The following MACROD2 variants were observed in gnomAD, a reference collection of about 807,000 sequenced individuals.
The protein encoded by MACROD2 is ADP-ribose glycohydrolase MACROD2.
In MACROD2, 36 loss-of-function variants were observed where a neutral mutation model predicts 70.4. The ratio of observed to expected loss-of-function variants is 0.51; its 90% CI spans 0.39 to 0.68. The LOEUF is 0.68. Ranked by LOEUF, MACROD2 falls within the 30% of genes least tolerant of loss-of-function variation. The pLI is 0.00. For synonymous variants in MACROD2, 172 were observed against 178.8 expected, an observed-to-expected ratio of 0.96 and a Z score of 0.30; for missense variants, 496 against 538.4, an observed-to-expected ratio of 0.92 and a Z score of 0.78.
intron 5 of MACROD2, among the ~76,000 whole-genome samples, chr20:14,726,799 C>G (rs2123695091): frequency 6.6e-6 from 1 of 152,290 alleles, no homozygotes; most frequent in African/African-American, 2.4e-5. Flanking sequence ...TCTTACACAG[C>G]TGTTACACAG....
intron 5 of MACROD2, among the ~76,000 whole-genome samples, chr20:14,742,068 G>A (rs1420685271): frequency 6.6e-6 from 1 of 152,096 alleles, no homozygotes; most frequent in Admixed American, 6.6e-5. Flanking sequence ...TATTAAGTCT[G>A]TACTGAAAAA....
chr20:14,722,339 G>A (rs965889634), intron 5 of MACROD2, among the ~76,000 whole-genome samples: 6 of 152,132 alleles, frequency 3.9e-5, no homozygotes, highest in Non-Finnish European at 8.8e-5. Flanking sequence ...ATAGATATGG[G>A]GATGAGGTAA....
chr20:15,978,542 G>A (rs987805628), intron 13 of MACROD2, among the ~76,000 whole-genome samples: 2 of 151,906 alleles, frequency 1.3e-5, no homozygotes, highest in African/African-American at 4.8e-5. Flanking sequence ...CTGTGGTGGA[G>A]CAGCCCAGCA....
intron 5 of MACROD2, among the ~76,000 whole-genome samples, chr20:15,030,080 C>CAAA (rs75395660): frequency 1.0e-4 from 8 of 77,036 alleles, no homozygotes; most frequent in African/African-American, 2.7e-4. Context: ...ACTCCGTCTC[C>CAAA]AAAAAAAAAA....
intron 8 of MACROD2, among the ~76,000 whole-genome samples, chr20:15,537,544 G>A (rs980415592): frequency 7.1e-6 from 1 of 141,754 alleles, no homozygotes; most frequent in Non-Finnish European, 1.5e-5. Flanking sequence ...CACCATCTCA[G>A]CTCACTGCAA....
At chr20:14,516,803 G>A (rs903528214) in intron 4 of MACROD2, among the ~76,000 whole-genome samples, 2 of 151,938 alleles carry the variant, frequency 1.3e-5, no homozygotes, top group African/African-American at 4.8e-5. Flanking sequence ...CTGACAAAGG[G>A]CTAATATCCA....
intron 3 of MACROD2, among the ~76,000 whole-genome samples, chr20:14,330,775 G>A (rs1174042900): frequency 1.3e-5 from 2 of 152,022 alleles, no homozygotes; most frequent in Admixed American, 1.3e-4. Flanking sequence ...TGCCTTTAGG[G>A]CTTTGCTCAT....
At chr20:15,301,028 A>G in intron 6 of MACROD2, among the ~76,000 whole-genome samples, 1 of 152,114 alleles carries the variant, frequency 6.6e-6, no homozygotes, top group East Asian at 1.9e-4. Context: ...CCCACATGGC[A>G]CCACTGGCAG....
intron 8 of MACROD2, among the ~76,000 whole-genome samples, chr20:15,681,015 C>T (rs75783992): frequency 0.01 from 1,548 of 152,282 alleles, 23 homozygotes; most frequent in African/African-American, 0.034. Context: ...AAGTCATAAA[C>T]TCAGGCTGCC....
chr20:15,189,170 A>G (rs914097895), intron 5 of MACROD2, among the ~76,000 whole-genome samples: 2 of 151,880 alleles, frequency 1.3e-5, no homozygotes, highest in Non-Finnish European at 2.9e-5. Flanking sequence ...TAATGAAAGC[A>G]CCTAGCCAAC....
intron 3 of MACROD2, among the ~76,000 whole-genome samples, chr20:14,441,952 A>T (rs2084128594): frequency 6.6e-6 from 1 of 152,084 alleles, no homozygotes; most frequent in South Asian, 2.1e-4. Context: ...TGTAGCAGGA[A>T]TCTGAAGAAT....
At chr20:15,726,377 A>G (rs1303749029) in intron 8 of MACROD2, among the ~76,000 whole-genome samples, 1 of 152,188 alleles carries the variant, frequency 6.6e-6, no homozygotes, top group African/African-American at 2.4e-5. Flanking sequence ...TATTGTGAAT[A>G]GTGCTGCAAT....
At chr20:14,938,261 A>G (rs2074358743) in intron 5 of MACROD2, among the ~76,000 whole-genome samples, 1 of 151,216 alleles carries the variant, frequency 6.6e-6, no homozygotes, top group African/African-American at 2.4e-5. Flanking sequence ...TTTTTCAGGA[A>G]CCTCCATATT....
intron 4 of MACROD2, among the ~76,000 whole-genome samples, chr20:14,681,375 T>C (rs973193683): frequency 6.6e-6 from 1 of 152,106 alleles, no homozygotes; most frequent in Non-Finnish European, 1.5e-5. Flanking sequence ...CACAGATGAA[T>C]GGATAAAGAA....
chr20:14,626,170 T>C (rs920973227), intron 4 of MACROD2, among the ~76,000 whole-genome samples: 4 of 152,120 alleles, frequency 2.6e-5, no homozygotes, highest in African/African-American at 9.7e-5. Flanking sequence ...TTGCTTTAGA[T>C]CAAGGGGCAC....
At chr20:14,475,478 A>G (rs905349107) in intron 3 of MACROD2, among the ~76,000 whole-genome samples, 1 of 152,154 alleles carries the variant, frequency 6.6e-6, no homozygotes, top group African/African-American at 2.4e-5. Context: ...TTATACCTTC[A>G]GATAGTTTCA....
chr20:14,045,612 C>A (rs1383869319), intron 2 of MACROD2, among the ~76,000 whole-genome samples: 1 of 152,140 alleles, frequency 6.6e-6, no homozygotes, highest in African/African-American at 2.4e-5. Flanking sequence ...AAATGAAGTG[C>A]TTTCATATTA....
At chr20:14,275,562 T>C (rs535985654) in intron 3 of MACROD2, among the ~76,000 whole-genome samples, 2,299 of 151,644 alleles carry the variant, frequency 0.015, 23 homozygotes, top group Non-Finnish European at 0.022. Flanking sequence ...ATTCAGGACA[T>C]AGGCATGGGC....
intron 3 of MACROD2, among the ~76,000 whole-genome samples, chr20:14,473,328 T>C (rs922808066): frequency 2.0e-5 from 3 of 152,182 alleles, no homozygotes; most frequent in Non-Finnish European, 2.9e-5. Context: ...TCCCAGCCGC[T>C]GGTAACCACT....
Sources: allele counts gnomAD v4.1 joint callset (sites outside exome capture counted in the v4.1 genomes callset), GRCh38; gene constraint gnomAD v4.1.1; transcripts MANE v1.5; gene names NCBI Gene and HGNC (gene_info 2026-07-23, HGNC 2026-07-21).